RYR3: variants seen among roughly 807,000 people sequenced by gnomAD.
The protein encoded by RYR3 is brain ryanodine receptor-calcium release channel.
In RYR3, 207 loss-of-function variants were observed where a neutral mutation model predicts 584.3. The observed-to-expected ratio is 0.35, with a 90% CI of 0.32 to 0.40. The LOEUF is 0.40. Ranked by LOEUF, RYR3 falls within the 10% of genes least tolerant of loss-of-function variation. The pLI is 1.00. For missense variants in RYR3, 5,616 were observed against 6,089.2 expected (o/e 0.92, Z 2.59); for synonymous variants, 2,416 against 2,248.5 (o/e 1.07, Z -2.11).
intron 1 of RYR3, among the ~76,000 whole-genome samples, chr15:33,361,281 C>T (rs1354255608): frequency 6.6e-6 from 1 of 152,178 alleles, no homozygotes; most frequent in Non-Finnish European, 1.5e-5. Context: ...ACACATGATG[C>T]AGAATTATTA....
At position 33,837,823 on chromosome 15, in the gene RYR3, T is replaced by C. The variant is rs968318681; in HGVS notation, c.11843T>C (p.Met3948Thr). 7.4e-6 allele frequency: 12 copies of C among 1,613,884 alleles called. 1 individual carries two copies. The Admixed American group carries it at 8.3e-5, about 11-fold the overall frequency. Residue 3948 changes from methionine (M) to threonine (T), a missense_variant, in exon 89 of 104, where the codon ATG becomes ACG. This residue lies in a region of RYR3 where 258 missense variants were observed against 297.3 expected (regional missense o/e 0.87). Transcript: ENST00000634891. ...IISKKEFQKA[M>T]EGQKQYTQSE... ...TCCAAAAAAGAATTCCAGAAGGCCA[T>C]GGAAGGGCAAAAACAGTACACGCAG...
At chr15:33,598,888 C>T (rs1393434908) in intron 16 of RYR3, among the ~76,000 whole-genome samples, 1 of 151,982 alleles carries the variant, frequency 6.6e-6, no homozygotes, top group East Asian at 1.9e-4. Flanking sequence ...CCTGTCTCTA[C>T]TAAAAAATAC....
In RYR3 at chr15:33,473,424, T is replaced by C. The variant is rs752692253; in HGVS notation, c.57T>C (p.Asp19=). Residue 19 remains aspartate, a synonymous_variant, in exon 2 of 104, where the codon GAT becomes GAC. Coordinates refer to ENST00000634891, the MANE Select transcript of RYR3 (RefSeq NM_001036.6). Reference sequence around the variant, plus strand: ...GGTCTCTCTTCTCCTGGCAGGAGGATGAAGTGGTACTCCAGTGCATCGCCA... The same window carrying C: ...GGTCTCTCTTCTCCTGGCAGGAGGACGAAGTGGTACTCCAGTGCATCGCCA... ...EDEIQFLRTE[D]EVVLQCIATI... is the part of the protein sequence containing the mutation. 1 of 1,613,842 alleles carries C rather than the reference T, an allele frequency of 6.2e-7. No homozygotes were observed. The highest frequency in any genetic ancestry group is 1.3e-5 in the African/African-American group (1 of 74,936).
intron 2 of RYR3, among the ~76,000 whole-genome samples, chr15:33,492,730 C>G (rs1015456607): frequency 6.6e-6 from 1 of 152,064 alleles, no homozygotes; most frequent in Non-Finnish European, 1.5e-5. Flanking sequence ...ATGCTGATGC[C>G]GATTGCACCT....
At chr15:33,657,640 T>C (rs2062897986) in intron 32 of RYR3, among the ~76,000 whole-genome samples, 1 of 152,234 alleles carries the variant, frequency 6.6e-6, no homozygotes, top group South Asian at 2.1e-4. Flanking sequence ...ATATAATAGG[T>C]ACTACATCAT....
intron 99 of RYR3, among the ~76,000 whole-genome samples, chr15:33,859,336 CT>C (rs2080086744): frequency 1.3e-5 from 2 of 152,208 alleles, no homozygotes; most frequent in African/African-American, 4.8e-5. Flanking sequence ...TTTAATGGGC[CT>C]AAAAATACCT....
At position 33,694,273 on chromosome 15, in the gene RYR3, T is replaced by G. The variant is rs7177270; in HGVS notation, c.5861-1945T>G. 7.0e-3 allele frequency among the ~76,000 whole-genome samples: 1,055 copies of G among 151,248 alleles called. 13 individuals carry two copies. The highest frequency in any genetic ancestry group is 0.024 in the African/African-American group (987 of 41,176). The stretch of plus-strand genomic sequence containing the variant: ...TTGTTTTTTTTTTTTCAAGACGGAG[T>G]CTTGGTCTGTCGCCCAGCTGGAGTG... On this transcript the variant is annotated intron_variant, in intron 38 of 103. Transcript: ENST00000634891.
At chr15:33,583,004 T>C (rs575873351) in intron 14 of RYR3, among the ~76,000 whole-genome samples, 3 of 152,032 alleles carry the variant, frequency 2.0e-5, no homozygotes, top group Non-Finnish European at 4.4e-5. Flanking sequence ...TTGGTGTAGA[T>C]TGGTAAAACT....
Position 33,669,851 on chromosome 15 carries a change from G to GT in RYR3, c.5722+395_5722+396insT, listed in dbSNP as rs1566919658. The stretch of plus-strand genomic sequence containing the variant: ...TTAGGGGTGTGTGTGTGTGGGGGGG[G>GT]GGGGGGGTGTGGGTGTGTGGGTGTG... On this transcript the variant is annotated intron_variant, in intron 37 of 103. Coordinates refer to ENST00000634891, the MANE Select transcript of RYR3 (RefSeq NM_001036.6). 1.7e-4 allele frequency among the ~76,000 whole-genome samples: 8 copies of GT among 47,046 alleles called. 2 individuals carry two copies. The highest frequency in any genetic ancestry group is 3.7e-4 in the Non-Finnish European group (7 of 19,086). The allele number at this position is 47,046 out of a possible 152,430, so 30.9% of individuals were successfully genotyped here.
chr15:33,773,664 A>G (rs2073782249), intron 64 of RYR3, 49 bp downstream of exon 64: 8 of 1,218,286 alleles, frequency 6.6e-6, no homozygotes, highest in Non-Finnish European at 9.5e-6. Context: ...GTAAAATGTT[A>G]CTTACAGCCT....
chr15:33,516,026 C>T (rs938514070), intron 3 of RYR3, among the ~76,000 whole-genome samples: 4 of 152,192 alleles, frequency 2.6e-5, no homozygotes, highest in African/African-American at 4.8e-5. Flanking sequence ...CCACATGGTA[C>T]GCCTTGTTAC....
Position 33,835,909 on chromosome 15 carries a change from G to C in RYR3, c.11568+837G>C, listed in dbSNP as rs116757487. Among the ~76,000 whole-genome samples the C allele has an allele frequency of 5.3e-3, 814 of 152,222 alleles. 2 individuals carry two copies. Among genetic ancestry groups the C allele is most frequent in the African/African-American group, 0.019 (777 of 41,556 alleles). On this transcript the variant is annotated intron_variant, in intron 87 of 103. Coordinates refer to ENST00000634891, the MANE Select transcript of RYR3 (RefSeq NM_001036.6). Reference sequence around the variant, plus strand: ...GCCACCTCCTCACCAGTGACTTTTGGAAAGCCACTTTCCCTTTCTGGTTTT... The same window carrying C: ...GCCACCTCCTCACCAGTGACTTTTGCAAAGCCACTTTCCCTTTCTGGTTTT...
intron 67 of RYR3, among the ~76,000 whole-genome samples, chr15:33,789,650 A>T (rs1842215558): frequency 2.4e-4 from 6 of 25,358 alleles, no homozygotes; most frequent in African/African-American, 4.6e-4. Flanking sequence ...ATATATATAT[A>T]TATATATATT....
At chr15:33,367,183 A>T (rs1595869426) in intron 1 of RYR3, among the ~76,000 whole-genome samples, 1 of 152,242 alleles carries the variant, frequency 6.6e-6, no homozygotes. Flanking sequence ...ATCAGAAAAC[A>T]TGTAGTTTAT....
intron 11 of RYR3, among the ~76,000 whole-genome samples, chr15:33,565,770 A>G (rs568350254): frequency 3.9e-5 from 6 of 152,186 alleles, no homozygotes; most frequent in Non-Finnish European, 7.3e-5. Context: ...ACATCTTCAC[A>G]TACTTGATCA....
chr15:33,822,017 C>CCATTCATTCATTCATTCATTCATT (rs58113782), intron 80 of RYR3, among the ~76,000 whole-genome samples: 9,726 of 151,510 alleles, frequency 0.064, 353 homozygotes, highest in Non-Finnish European at 0.074. Flanking sequence ...GTTCGTTCAT[C>CCATTCATTCATTCATTCATTCATT]CATTCATTCA....
At chr15:33,690,555 A>G (rs1387534036) in intron 38 of RYR3, among the ~76,000 whole-genome samples, 4 of 152,228 alleles carry the variant, frequency 2.6e-5, no homozygotes, top group Non-Finnish European at 4.4e-5. Context: ...AGAAGTAAAC[A>G]TGGAAAGCTT....
At chr15:33,494,382 G>A in intron 2 of RYR3, among the ~76,000 whole-genome samples, 1 of 151,954 alleles carries the variant, frequency 6.6e-6, no homozygotes, top group Non-Finnish European at 1.5e-5. Flanking sequence ...CCTTGTGTTG[G>A]AGTAAACCTC....
At chr15:33,350,385 G>C (rs1485872852) in intron 1 of RYR3, among the ~76,000 whole-genome samples, 1 of 152,072 alleles carries the variant, frequency 6.6e-6, no homozygotes, top group African/African-American at 2.4e-5. Flanking sequence ...CCCAGGAATT[G>C]AACTCAGCTC....
Sources: allele counts gnomAD v4.1 joint callset (sites outside exome capture counted in the v4.1 genomes callset), GRCh38; gene constraint gnomAD v4.1.1; regional missense constraint gnomAD v4.1.1; transcripts MANE v1.5; gene names NCBI Gene and HGNC (gene_info 2026-07-23, HGNC 2026-07-21).